The following DCLK1 variants were observed in gnomAD, a reference collection of about 807,000 sequenced individuals.
DCLK1 encodes serine/threonine-protein kinase DCLK1.
A neutral mutation model predicts 86.2 loss-of-function variants in DCLK1; 16 were observed. That is an observed-to-expected ratio of 0.19 (90% CI 0.13 to 0.28). The LOEUF is 0.28. Ranked by LOEUF, DCLK1 falls within the 10% of genes least tolerant of loss-of-function variation. The pLI is 1.00. For missense variants in DCLK1, 590 were observed against 940.2 expected (o/e 0.63, Z 4.87); for synonymous variants, 369 against 370.5 (o/e 1.00, Z 0.05).
Position 36,055,356 on chromosome 13 carries a change from C to T in DCLK1, c.723+56513G>A, listed in dbSNP as rs557677254. ...TTTTATTAATCTATAAACTCTAGTT[C>T]TACCCCAGCCCCTGGGCCCTATTAA... On this transcript the variant is annotated intron_variant, in intron 3 of 16. Coordinates refer to ENST00000360631, the MANE Select transcript of DCLK1 (RefSeq NM_001330071.2). Among the ~76,000 whole-genome samples the T allele has an allele frequency of 2.6e-5, 4 of 152,278 alleles. No individual in the cohort carries two copies. The South Asian group carries it at 6.2e-4, about 24-fold the overall frequency.
intron 3 of DCLK1, among the ~76,000 whole-genome samples, chr13:36,019,146 TA>T (rs1881658441): frequency 6.6e-6 from 1 of 152,234 alleles, no homozygotes; most frequent in African/African-American, 2.4e-5. Context: ...TGAATTAATT[TA>T]TTTCTGTCAT....
chr13:36,106,982 T>G (rs1885418711), intron 3 of DCLK1, among the ~76,000 whole-genome samples: 1 of 152,202 alleles, frequency 6.6e-6, no homozygotes, highest in South Asian at 2.1e-4. Flanking sequence ...TTTTGTGATA[T>G]CTGATTAATA....
intron 3 of DCLK1, among the ~76,000 whole-genome samples, chr13:35,975,530 G>A (rs1413580953): frequency 1.3e-5 from 2 of 152,118 alleles, no homozygotes; most frequent in Non-Finnish European, 2.9e-5. Flanking sequence ...GTGAGATCAA[G>A]GGGCTGGAGG....
chr13:36,025,430 T>C (rs1881991808), intron 3 of DCLK1, among the ~76,000 whole-genome samples: 1 of 152,240 alleles, frequency 6.6e-6, no homozygotes, highest in Non-Finnish European at 1.5e-5. Context: ...TGTACATGAA[T>C]GCTCATGGTT....
chr13:36,070,948 A>G (rs1353793867), intron 3 of DCLK1, among the ~76,000 whole-genome samples: 4 of 152,042 alleles, frequency 2.6e-5, no homozygotes, highest in African/African-American at 9.7e-5. Context: ...CCCGGCCCCC[A>G]TCTTTATAAA....
At chr13:35,778,003 G>A (rs752292321) in intron 16 of DCLK1, among the ~76,000 whole-genome samples, 9 of 152,300 alleles carry the variant, frequency 5.9e-5, no homozygotes, top group Admixed American at 1.3e-4. Context: ...GTTGGACATC[G>A]TCTCTGTGTT....
At chr13:36,015,051 A>G (rs1188712625) in intron 3 of DCLK1, among the ~76,000 whole-genome samples, 1 of 144,024 alleles carries the variant, frequency 6.9e-6, no homozygotes, top group Non-Finnish European at 1.5e-5. Flanking sequence ...CCCCCACACA[A>G]TTTTTGATGT....
intron 4 of DCLK1, among the ~76,000 whole-genome samples, chr13:35,871,693 T>C (rs1593684453): frequency 6.6e-6 from 1 of 152,192 alleles, no homozygotes; most frequent in African/African-American, 2.4e-5. Flanking sequence ...GGATAAACTG[T>C]TGTTGCTTCC....
intron 3 of DCLK1, among the ~76,000 whole-genome samples, chr13:36,040,556 A>G (rs770476511): frequency 1.3e-5 from 2 of 151,466 alleles, no homozygotes; most frequent in African/African-American, 2.4e-5. Flanking sequence ...GACTCTATTC[A>G]CCTGGCTGAG....
intron 12 of DCLK1, 24 bp downstream of exon 12, chr13:35,810,811 C>T: frequency 6.2e-7 from 1 of 1,612,028 alleles, no homozygotes; most frequent in Non-Finnish European, 8.5e-7. Flanking sequence ...AAGCATAGCA[C>T]TTAAACATAA....
intron 4 of DCLK1, among the ~76,000 whole-genome samples, chr13:35,934,601 C>T (rs1457677054): frequency 6.6e-6 from 1 of 152,160 alleles, no homozygotes; most frequent in Non-Finnish European, 1.5e-5. Flanking sequence ...ATTGGGGAAA[C>T]TGCACCCACG....
In DCLK1 at chr13:35,808,334, C is replaced by T; in HGVS notation, c.1767-14G>A. 2 of 1,610,932 alleles carry T rather than the reference C, an allele frequency of 1.2e-6. No individual in the cohort carries two copies. The highest frequency in any genetic ancestry group is 1.7e-6 in the Non-Finnish European group (2 of 1,177,232). ...TCATCACCACTTCTGTTTAGGTGAA[C>T]GACAACAAGGAAAAACAGCACTAAG... On this transcript the variant is annotated splice_polypyrimidine_tract_variant and intron_variant, in intron 13 of 16. Transcript: ENST00000360631.
Position 36,125,849 on chromosome 13 carries a change from C to G in DCLK1, c.289G>C (p.Asp97His). 10 of 1,614,202 alleles carry G rather than the reference C, an allele frequency of 6.2e-6. No individual in the cohort carries two copies. The highest frequency in any genetic ancestry group is 7.6e-6 in the Non-Finnish European group (9 of 1,180,036). The change falls in exon 2 of 17, where the codon GAT becomes CAT. Residue 97 changes from aspartate to histidine, a missense_variant. This residue lies in a region of DCLK1 where 195 missense variants were observed against 365.1 expected (regional missense o/e 0.53). Transcript: ENST00000360631. Reference protein sequence around the residue: ...LLADLTRTLSDNVNLPQGVRT... With the variant: ...LLADLTRTLSHNVNLPQGVRT... The stretch of plus-strand genomic sequence containing the variant: ...ACTCCCTGGGGCAAATTCACGTTAT[C>G]CGACAGAGTTCGGGTCAAATCAGCC...
intron 15 of DCLK1, among the ~76,000 whole-genome samples, chr13:35,797,670 C>A (rs2086839033): frequency 6.6e-6 from 1 of 152,028 alleles, no homozygotes; most frequent in Non-Finnish European, 1.5e-5. Context: ...TGTAAACACA[C>A]ACACACACAC....
intron 6 of DCLK1, chr13:35,850,830 G>T: frequency 6.6e-7 from 1 of 1,509,452 alleles, no homozygotes; most frequent in Non-Finnish European, 8.9e-7. Context: ...TGGGTGCCCT[G>T]TGGCTCTCGT....
At chr13:36,012,574 G>A (rs1277801953) in intron 3 of DCLK1, among the ~76,000 whole-genome samples, 3 of 143,716 alleles carry the variant, frequency 2.1e-5, no homozygotes, top group Non-Finnish European at 3.0e-5. Flanking sequence ...CTTCTGGCTT[G>A]TAGGGTTTCT....
rs188458542 is a variant in DCLK1 at position 35,905,648 on chromosome 13, A to C, written c.824-34308T>G. 1.4e-3 allele frequency among the ~76,000 whole-genome samples: 216 copies of C among 152,282 alleles called. 1 individual carries two copies. Among genetic ancestry groups the C allele is most frequent in the East Asian group, 3.9e-4 (2 of 5,172 alleles). On this transcript the variant is annotated intron_variant, in intron 4 of 16. Coordinates refer to ENST00000360631, the MANE Select transcript of DCLK1 (RefSeq NM_001330071.2). ...TGAGTTAATTTGTTCTCTTCCTTTT[A>C]AGACTGCCAGAGCCAGGCCAGGTGT...
At chr13:35,823,011 A>G (rs562683919) in intron 10 of DCLK1, 136 bp from the exon 11 acceptor site, 2 of 1,067,300 alleles carry the variant, frequency 1.9e-6, no homozygotes, top group East Asian at 2.5e-5. Flanking sequence ...TTTTCCTGCT[A>G]CTTTCCTTTC....
intron 4 of DCLK1, among the ~76,000 whole-genome samples, chr13:35,946,675 A>G (rs1049268671): frequency 6.6e-6 from 1 of 152,208 alleles, no homozygotes; most frequent in Non-Finnish European, 1.5e-5. Flanking sequence ...AAGGGCTACA[A>G]TAATCTTTGT....
Sources: allele counts gnomAD v4.1 joint callset (sites outside exome capture counted in the v4.1 genomes callset), GRCh38; gene constraint gnomAD v4.1.1; regional missense constraint gnomAD v4.1.1; transcripts MANE v1.5; gene names NCBI Gene and HGNC (gene_info 2026-07-23, HGNC 2026-07-21).